The following HDHD2 variants were observed in gnomAD, a reference collection of about 807,000 sequenced individuals.
HDHD2 encodes haloacid dehalogenase-like hydrolase domain-containing protein 2.
In HDHD2, 26 loss-of-function variants were observed where a neutral mutation model predicts 24.8. That is an observed-to-expected ratio of 1.05 (90% CI 0.77 to 1.45). The LOEUF (loss-of-function observed/expected upper bound fraction) is 1.45, where lower values mean the gene tolerates loss of function less well. HDHD2 is among the 40% of genes most tolerant of loss of function. The probability of loss-of-function intolerance (pLI) is 0.00; values close to 1 mark genes in which losing one functional copy is unlikely to be tolerated. For synonymous variants in HDHD2, 128 were observed against 114.9 expected (o/e 1.11, Z -0.73); for missense variants, 299 against 313.4 (o/e 0.95, Z 0.35).
At chr18:47,134,447 G>GT (rs2063743387) in intron 3 of HDHD2, 49 bp downstream of exon 3, 1 of 1,277,696 alleles carries the variant, frequency 7.8e-7, no homozygotes, top group East Asian at 2.3e-5. Context: ...AAAATGATTT[G>GT]TAAGTACATA....
chr18:47,139,463 TCAAAAAAA>T (rs2063799678), intron 1 of HDHD2, among the ~76,000 whole-genome samples: 1 of 43,566 alleles, frequency 2.3e-5, no homozygotes, highest in African/African-American at 1.1e-4. Flanking sequence ...AGACTCTGTC[TCAAAAAAA>T]AAAAAAAAAA....
chr18:47,146,209 G>A (rs1027888923), intron 1 of HDHD2, among the ~76,000 whole-genome samples: 4 of 138,264 alleles, frequency 2.9e-5, no homozygotes, highest in African/African-American at 1.1e-4. Context: ...CAGCCTGGGC[G>A]ACAGAGCAAG....
chr18:47,111,379 A>G (rs1282737643), intron 6 of HDHD2: 43 of 974,230 alleles, frequency 4.4e-5, no homozygotes, highest in Admixed American at 2.5e-4. Context: ...AAAAAAAAAA[A>G]AAAGAAAGAA....
At chr18:47,140,491 T>C (rs2063810082) in intron 1 of HDHD2, among the ~76,000 whole-genome samples, 1 of 152,216 alleles carries the variant, frequency 6.6e-6, no homozygotes, top group Non-Finnish European at 1.5e-5. Flanking sequence ...GTTGTTATTG[T>C]TGTTTTTGTC....
At chr18:47,139,464 C>CAAAAAAAAAAA (rs760347919) in intron 1 of HDHD2, among the ~76,000 whole-genome samples, 25 of 50,474 alleles carry the variant, frequency 5.0e-4, no homozygotes, top group African/African-American at 1.8e-3. Context: ...GACTCTGTCT[C>CAAAAAAAAAAA]AAAAAAAAAA....
chr18:47,147,585 T>A (rs112972787), intron 1 of HDHD2, among the ~76,000 whole-genome samples: 2,568 of 152,248 alleles, frequency 0.017, 70 homozygotes, highest in African/African-American at 0.058. Flanking sequence ...ATATCTAATA[T>A]TCAAGAAGAA....
intron 4 of HDHD2, among the ~76,000 whole-genome samples, chr18:47,126,479 T>G (rs571927676): frequency 5.3e-5 from 8 of 152,028 alleles, no homozygotes. Context: ...AAGCTCATCC[T>G]GAAAAATTAA....
intron 3 of HDHD2, among the ~76,000 whole-genome samples, chr18:47,134,113 C>T (rs1369616393): frequency 6.6e-6 from 1 of 152,062 alleles, no homozygotes; most frequent in Non-Finnish European, 1.5e-5. Context: ...GTTTTATGAT[C>T]TGTGTTTTTT....
At chr18:47,110,868 C>A in intron 6 of HDHD2, 1 of 985,072 alleles carries the variant, frequency 1.0e-6, no homozygotes. Context: ...AGTCAAAAAT[C>A]TTTAACAAAT....
intron 1 of HDHD2, among the ~76,000 whole-genome samples, chr18:47,149,792 G>C (rs1003099854): frequency 6.6e-6 from 1 of 152,076 alleles, no homozygotes; most frequent in Non-Finnish European, 1.5e-5. Flanking sequence ...CACTGTCCTG[G>C]TTACCAGCCC....
intron 4 of HDHD2, among the ~76,000 whole-genome samples, chr18:47,117,089 C>T (rs1353230037): frequency 6.6e-6 from 1 of 152,162 alleles, no homozygotes; most frequent in Non-Finnish European, 1.5e-5. Context: ...ATAAGCTTTA[C>T]TGAATCTTTG....
chr18:47,127,342 T>C (rs2063668687), intron 4 of HDHD2, among the ~76,000 whole-genome samples: 1 of 152,146 alleles, frequency 6.6e-6, no homozygotes, highest in Admixed American at 6.5e-5. Flanking sequence ...TATATACACA[T>C]TATAAATTTT....
chr18:47,125,908 T>C lies in HDHD2; in HGVS notation c.395+4336A>G, dbSNP rs541407010. On this transcript the variant is annotated intron_variant, in intron 4 of 6. Coordinates refer to ENST00000300605, the MANE Select transcript of HDHD2 (RefSeq NM_032124.5). Reference sequence around the variant, plus strand: ...GTTTAGAAAAATCAGTAACAGAATATATTTTTATGGTTTGTTCACGTAAAC... The same window carrying C: ...GTTTAGAAAAATCAGTAACAGAATACATTTTTATGGTTTGTTCACGTAAAC... Among the ~76,000 whole-genome samples, 604 of 152,356 alleles carry C rather than the reference T, an allele frequency of 4.0e-3. 4 individuals are homozygous for C. The highest frequency in any genetic ancestry group is 0.034 in the Middle Eastern group (10 of 294).
At chr18:47,143,806 AC>A (rs1488509990) in intron 1 of HDHD2, among the ~76,000 whole-genome samples, 1 of 152,200 alleles carries the variant, frequency 6.6e-6, no homozygotes, top group African/African-American at 2.4e-5. Flanking sequence ...ACAAATTGTA[AC>A]CAATAAAAAT....
intron 1 of HDHD2, among the ~76,000 whole-genome samples, chr18:47,139,126 G>GT (rs1287251770): frequency 6.6e-6 from 1 of 151,994 alleles, no homozygotes; most frequent in Non-Finnish European, 1.5e-5. Context: ...CTTGCCCTAT[G>GT]TATCTCTTCA....
chr18:47,113,294 G>C (rs2063530994), intron 5 of HDHD2, among the ~76,000 whole-genome samples: 1 of 152,162 alleles, frequency 6.6e-6, no homozygotes, highest in Non-Finnish European at 1.5e-5. Context: ...ACAGAGAGCT[G>C]AGTTACAATT....
intron 6 of HDHD2, chr18:47,111,368 A>T: frequency 6.8e-6 from 1 of 147,490 alleles, no homozygotes; most frequent in Non-Finnish European, 1.4e-5. Context: ...TACATGAGCT[A>T]AAAAAAAAAA....
At chr18:47,146,268 A>G (rs2144396210) in intron 1 of HDHD2, among the ~76,000 whole-genome samples, 1 of 152,246 alleles carries the variant, frequency 6.6e-6, no homozygotes, top group Admixed American at 6.5e-5. Flanking sequence ...TGAACAGCAA[A>G]TAAATGAAGA....
chr18:47,139,563 T>C (rs1297335003), intron 1 of HDHD2, among the ~76,000 whole-genome samples: 1 of 149,124 alleles, frequency 6.7e-6, no homozygotes, highest in Admixed American at 6.7e-5. Flanking sequence ...AGTAAACTAA[T>C]CAAACCCAAA....
Sources: gnomAD v4.1 joint callset for allele counts (sites outside exome capture counted in the v4.1 genomes callset) on GRCh38, gnomAD v4.1.1 for gene constraint, MANE v1.5 for transcripts, NCBI Gene and HGNC (gene_info 2026-07-23, HGNC 2026-07-21) for gene names.